Variants in ZNF423 observed in about 807,000 individuals in gnomAD.
ZNF423 encodes zinc finger protein 423.
Under a neutral mutation model 95.8 loss-of-function variants are expected in ZNF423, and 12 were observed. That is an observed-to-expected ratio of 0.13 (90% confidence interval 0.08 to 0.20). The LOEUF is 0.20. ZNF423 is among the 10% of genes least tolerant of loss of function. The pLI, the probability that ZNF423 is intolerant of heterozygous loss-of-function variation, is 1.00. For synonymous variants in ZNF423, 749 were observed against 711.9 expected, an observed-to-expected ratio of 1.05 and a Z score of -0.83; for missense variants, 1,316 against 1,737.1, an observed-to-expected ratio of 0.76 and a Z score of 4.31.
chr16:49,744,663 A>G (rs189443156), intron 2 of ZNF423, among the ~76,000 whole-genome samples: 2 of 152,296 alleles, frequency 1.3e-5, no homozygotes, highest in African/African-American at 4.8e-5. Context: ...CTGGATTCAC[A>G]TTCCTAGGCA....
chr16:49,827,652 A>G (rs1449741284), intron 1 of ZNF423, among the ~76,000 whole-genome samples: 1 of 152,044 alleles, frequency 6.6e-6, no homozygotes, highest in African/African-American at 2.4e-5. Context: ...AGTAGCTGGG[A>G]CTACAGGCAT....
At chr16:49,651,670 A>G (rs1006000078) in intron 3 of ZNF423, among the ~76,000 whole-genome samples, 7 of 152,258 alleles carry the variant, frequency 4.6e-5, no homozygotes, top group African/African-American at 1.7e-4. Flanking sequence ...TATAGACCCA[A>G]CTATAGAGTT....
At chr16:49,768,368 T>C (rs2033968903) in intron 2 of ZNF423, among the ~76,000 whole-genome samples, 2 of 152,156 alleles carry the variant, frequency 1.3e-5, no homozygotes, top group African/African-American at 4.8e-5. Context: ...CAGATCCGGC[T>C]CCCGCAAAGC....
At chr16:49,812,697 GAATA>G (rs1040545505) in intron 1 of ZNF423, among the ~76,000 whole-genome samples, 3 of 152,132 alleles carry the variant, frequency 2.0e-5, no homozygotes, top group African/African-American at 4.8e-5. Flanking sequence ...CTAAATAAAT[GAATA>G]AATAAAGTCC....
At chr16:49,526,947 G>C (rs1024159716) in intron 5 of ZNF423, among the ~76,000 whole-genome samples, 1 of 152,224 alleles carries the variant, frequency 6.6e-6, no homozygotes, top group African/African-American at 2.4e-5. Flanking sequence ...GGCTCCCCCA[G>C]GGAACCAGCC....
At chr16:49,788,997 C>T (rs906954743) in intron 2 of ZNF423, among the ~76,000 whole-genome samples, 2 of 152,212 alleles carry the variant, frequency 1.3e-5, no homozygotes, top group South Asian at 2.1e-4. Context: ...TGTCACGTCA[C>T]CCCCGACACC....
chr16:49,522,188 G>C (rs1044971078), intron 7 of ZNF423, among the ~76,000 whole-genome samples: 3 of 152,198 alleles, frequency 2.0e-5, no homozygotes, highest in Non-Finnish European at 2.9e-5. Flanking sequence ...GGGCCAAACT[G>C]GTGTGTGTGA....
chr16:49,513,935 CT>C (rs1968013378), intron 7 of ZNF423, among the ~76,000 whole-genome samples: 1 of 152,020 alleles, frequency 6.6e-6, no homozygotes. Context: ...GAAGCCCCAT[CT>C]TGATCTCACT....
intron 7 of ZNF423, among the ~76,000 whole-genome samples, chr16:49,508,815 G>A (rs1418112522): frequency 2.0e-5 from 3 of 151,992 alleles, no homozygotes; most frequent in East Asian, 1.9e-4. Context: ...CTTCCACCAC[G>A]CTTCCCACCA....
chr16:49,548,047 T>A (rs913362697), intron 5 of ZNF423, among the ~76,000 whole-genome samples: 3 of 152,210 alleles, frequency 2.0e-5, no homozygotes, highest in Admixed American at 1.3e-4. Flanking sequence ...TCTGCCACTT[T>A]CCCTGGGGAG....
At chr16:49,613,780 T>C (rs1432768551) in intron 5 of ZNF423, among the ~76,000 whole-genome samples, 1 of 151,978 alleles carries the variant, frequency 6.6e-6, no homozygotes, top group African/African-American at 2.4e-5. Flanking sequence ...TGGACATTCA[T>C]AGGCAAAAAT....
intron 5 of ZNF423, among the ~76,000 whole-genome samples, chr16:49,534,605 G>C (rs1047533716): frequency 6.6e-6 from 1 of 152,116 alleles, no homozygotes; most frequent in African/African-American, 2.4e-5. Context: ...CTCAGGCCTG[G>C]TGACATGGCA....
At position 49,636,180 on chromosome 16, in the gene ZNF423, C is replaced by G; in HGVS notation, c.2996G>C (p.Arg999Pro). The G allele has an allele frequency of 6.2e-7, 1 of 1,613,590 alleles. No homozygotes were observed. The highest frequency in any genetic ancestry group is 8.5e-7 in the Non-Finnish European group (1 of 1,180,034). The change falls in exon 4 of 8, where the codon CGC becomes CCC. Residue 999 changes from arginine (R) to proline (P), a missense_variant. Coordinates refer to ENST00000563137, the MANE Select transcript of ZNF423 (RefSeq NM_001379286.1). This position sits in a 1 kb window ranked among gnomAD's most constrained non-coding sequence, Gnocchi z 8.6. ...HSKSLDTGTC[R>P]ICKMPLQSEE... ...GCTCTGCAGGGGCATCTTGCAGATG[C>G]GACAGGTGCCCGTGTCCAGGCTCTT...
chr16:49,627,096 T>C (rs111218551), intron 4 of ZNF423, among the ~76,000 whole-genome samples: 1 of 115,660 alleles, frequency 8.6e-6, no homozygotes, highest in Non-Finnish European at 1.8e-5. Flanking sequence ...ATCTACATAA[T>C]ACCCACCCAT....
At position 49,488,538 on chromosome 16, in the gene ZNF423, G is replaced by C. The variant is rs1474297395; in HGVS notation, c.*2737C>G. 6.6e-6 allele frequency: 1 copy of C among 152,138 alleles called. No individual in the cohort carries two copies. The highest frequency in any genetic ancestry group is 2.1e-4 in the South Asian group (1 of 4,814). The allele number at this position is 152,138 out of a possible 1,614,324, so 9.4% of individuals were successfully genotyped here. ...CCAAATGAGAGGCTGATTCCATCGC[G>C]CCCTCCTGGCTGAAAAGGTGCCCTC... On this transcript the variant is annotated 3_prime_UTR_variant, in exon 8 of 8. Transcript: ENST00000563137.
At chr16:49,618,051 G>GT (rs1971934116) in intron 5 of ZNF423, among the ~76,000 whole-genome samples, 2 of 152,188 alleles carry the variant, frequency 1.3e-5, no homozygotes, top group Non-Finnish European at 2.9e-5. Flanking sequence ...ATCTCCATGG[G>GT]TATCTTGTGC....
At chr16:49,599,586 A>G (rs1289277759) in intron 5 of ZNF423, among the ~76,000 whole-genome samples, 1 of 152,204 alleles carries the variant, frequency 6.6e-6, no homozygotes, top group Non-Finnish European at 1.5e-5. Context: ...TGTGAATAAC[A>G]GCCCAAATCC....
At chr16:49,664,300 C>G in intron 3 of ZNF423, 1 of 985,802 alleles carries the variant, frequency 1.0e-6, no homozygotes, top group Non-Finnish European at 1.2e-6. Context: ...GTGTGCTGCT[C>G]CCGCGGCGGC....
At chr16:49,640,244 T>C (rs573299688) in intron 3 of ZNF423, among the ~76,000 whole-genome samples, 1 of 152,078 alleles carries the variant, frequency 6.6e-6, no homozygotes, top group East Asian at 1.9e-4. Flanking sequence ...CGCACCATGC[T>C]CCCAGCACGG....
Sources: gnomAD v4.1 joint callset for allele counts (sites outside exome capture counted in the v4.1 genomes callset) on GRCh38, gnomAD v4.1.1 for gene constraint, Gnocchi (gnomAD v3.1) non-coding constraint, MANE v1.5 for transcripts, NCBI Gene and HGNC (gene_info 2026-07-23, HGNC 2026-07-21) for gene names.